The following RSRP1 variants were observed in gnomAD, a reference collection of about 807,000 sequenced individuals.
RSRP1 encodes arginine and serine rich protein 1.
Under a neutral mutation model 33.0 loss-of-function variants are expected in RSRP1, and 37 were observed. The observed-to-expected ratio is 1.12, with a 90% CI of 0.86 to 1.48. RSRP1 has a LOEUF of 1.48. RSRP1 is among the 40% of genes most tolerant of loss of function. RSRP1 has a pLI of 0.00. For missense variants in RSRP1, 402 were observed against 385.3 expected, an observed-to-expected ratio of 1.04 and a Z score of -0.36; for synonymous variants, 167 against 158.7, an observed-to-expected ratio of 1.05 and a Z score of -0.40.
In RSRP1 at chr1:25,308,517, T is replaced by C. The variant is rs1389333389; in HGVS notation, c.-67+29461A>G. On this transcript the variant is annotated intron_variant, in intron 1 of 1. Coordinates refer to the RSRP1 transcript ENST00000561867. The stretch of plus-strand genomic sequence containing the variant: ...TAAAGGATTAACTTAACAAACTGGC[T>C]TTCCAAGAAAATAAAGCCTTGATTG... Among the ~76,000 whole-genome samples, 2 of 132,178 alleles carry C rather than the reference T, an allele frequency of 1.5e-5. 1 individual carries two copies. Among genetic ancestry groups the C allele is most frequent in the Non-Finnish European group, 3.6e-5 (2 of 56,040 alleles). 86.7% of individuals were successfully genotyped at this position (132,178 alleles called of 152,430 possible).
intron 1 of RSRP1, among the ~76,000 whole-genome samples, chr1:25,287,919 C>T (rs1307161383): frequency 7.6e-6 from 1 of 131,656 alleles, no homozygotes. Flanking sequence ...CAAGGGGTTT[C>T]ACCAGGTGGG....
rs139882501 is a variant in RSRP1, at chr1:25,305,623, C to T, written c.-67+32355G>A. On this transcript the variant is annotated intron_variant, in intron 1 of 1. Coordinates refer to the RSRP1 transcript ENST00000561867. ...GTTGTTGTTGTTGTTGTTGTTGAGACGGTGTCTCGCTCTTTTGCCCAGGCT... is the reference window on the plus strand; with the variant it reads ...GTTGTTGTTGTTGTTGTTGTTGAGATGGTGTCTCGCTCTTTTGCCCAGGCT... Among the ~76,000 whole-genome samples the T allele has an allele frequency of 2.2e-3, 268 of 124,398 alleles. 31 individuals carry two copies. Among genetic ancestry groups the T allele is most frequent in the African/African-American group, 7.1e-3 (250 of 35,410 alleles). 81.6% of individuals were successfully genotyped at this position (124,398 alleles called of 152,430 possible).
intron 1 of RSRP1, chr1:25,336,471 A>G (rs1645076522): frequency 6.8e-6 from 1 of 146,978 alleles, no homozygotes; most frequent in South Asian, 2.1e-4. Context: ...TCTACAAAAG[A>G]CAAACATTCA....
chr1:25,246,048 G>A lies in RSRP1; in HGVS notation c.520+396C>T, dbSNP rs550741010. On this transcript the variant is annotated intron_variant, in intron 2 of 4. Coordinates refer to ENST00000243189, the MANE Select transcript of RSRP1 (RefSeq NM_020317.5). ...ATTACAGAGGTGAGCCGCCGCGCCC[G>A]GCCTCCTAGGTCACTTAGGATACTC... 5.4e-5 allele frequency: 9 copies of A among 166,286 alleles called. 1 individual carries two copies. The South Asian group carries it at 1.4e-3, about 26-fold the overall frequency. 10.3% of individuals were successfully genotyped at this position (166,286 alleles called of 1,614,324 possible).
chr1:25,261,705 A>ATTTTTTT (rs376795548), intron 1 of RSRP1, among the ~76,000 whole-genome samples: 1 of 93,692 alleles, frequency 1.1e-5, no homozygotes, highest in African/African-American at 4.5e-5. Context: ...CGCCCAGCAG[A>ATTTTTTT]TTTTTTTTTT....
rs202183642 is a variant in RSRP1 at position 25,246,965 on chromosome 1, T to C, written c.-2A>G. Reference sequence around the variant, plus strand: ...CATGTCGTTCACGTAGTTGGACATCTTCACCTGCGGCTTTAGCCTGCGCTT... The same window carrying C: ...CATGTCGTTCACGTAGTTGGACATCCTCACCTGCGGCTTTAGCCTGCGCTT... On this transcript the variant is annotated 5_prime_UTR_variant, in exon 2 of 5. Transcript: ENST00000243189. 2.6e-6 allele frequency: 4 copies of C among 1,566,266 alleles called. No homozygotes were observed. The highest frequency in any genetic ancestry group is 3.5e-6 in the Non-Finnish European group (4 of 1,152,682).
In RSRP1 at chr1:25,295,850, ATTTTTTTTTTTTTTT is replaced by A. The variant is rs61131306; in HGVS notation, c.-67+42113_-67+42127del. Reference sequence around the variant, plus strand: ...AATGGTCTGGGAGGGAATATGGGAAATTTTTTTTTTTTTTTTTTTTTTTTTTTTTGAGATGGAGTT... The same window carrying A: ...AATGGTCTGGGAGGGAATATGGGAAATTTTTTTTTTTTTTGAGATGGAGTT... On this transcript the variant is annotated intron_variant, in intron 1 of 1. Transcript: ENST00000561867. 1.0e-3 allele frequency among the ~76,000 whole-genome samples: 81 copies of A among 81,330 alleles called. 11 individuals are homozygous for A. The highest frequency in any genetic ancestry group is 3.2e-3 in the African/African-American group (74 of 23,208). 53.4% of individuals were successfully genotyped at this position (81,330 alleles called of 152,430 possible).
Position 25,314,933 on chromosome 1 carries a change from G to A in RSRP1, c.-67+23045C>T, listed in dbSNP as rs1225849991. 6.9e-5 allele frequency among the ~76,000 whole-genome samples: 9 copies of A among 130,546 alleles called. 3 individuals carry two copies. Among genetic ancestry groups the A allele is most frequent in the African/African-American group, 1.6e-4 (6 of 38,304 alleles). The allele number at this position is 130,546 out of a possible 152,430, so 85.6% of individuals were successfully genotyped here. On this transcript the variant is annotated intron_variant, in intron 1 of 1. Transcript: ENST00000561867. ...TTTTAAGAATTTTTGCAGCCAGCGC[G>A]GTGGCTCACACCTGTAATCCCAGCA...
chr1:25,252,652 G>C (rs1639826260), intron 1 of RSRP1, among the ~76,000 whole-genome samples: 1 of 151,868 alleles, frequency 6.6e-6, no homozygotes, highest in Non-Finnish European at 1.5e-5. Context: ...TCCTGTCTGA[G>C]TCTCCTGAGT....
rs940714235 is a variant in RSRP1 at position 25,278,739 on chromosome 1, A to C, written c.-66-31710T>G. On this transcript the variant is annotated intron_variant, in intron 1 of 1. Coordinates refer to the RSRP1 transcript ENST00000561867. ...AAAGGCAGAGAGAGGGGCTACTAGA[A>C]GACAGAGGAGTTTTCCCAGTGACAT... Among the ~76,000 whole-genome samples, 8 of 131,738 alleles carry C rather than the reference A, an allele frequency of 6.1e-5. 3 individuals are homozygous for C. Among genetic ancestry groups the C allele is most frequent in the Non-Finnish European group, 3.6e-5 (2 of 55,582 alleles). The allele number at this position is 131,738 out of a possible 152,430, so 86.4% of individuals were successfully genotyped here. A position where few individuals can be genotyped will look rare whatever the true frequency, so the allele number is the denominator to read the frequency against.
intron 1 of RSRP1, among the ~76,000 whole-genome samples, chr1:25,277,700 G>C (rs1375090791): frequency 7.9e-6 from 1 of 127,304 alleles, no homozygotes; most frequent in East Asian, 2.0e-4. Flanking sequence ...TTTTGAGACA[G>C]AGTTTTGCTC....
rs563169275 is a variant in RSRP1 at position 25,286,154 on chromosome 1, T to C, written c.-66-39125A>G. Among the ~76,000 whole-genome samples, 10 of 135,322 alleles carry C rather than the reference T, an allele frequency of 7.4e-5. No individual in the cohort carries two copies. The South Asian group carries it at 8.8e-4, about 12-fold the overall frequency. The allele number at this position is 135,322 out of a possible 152,430, so 88.8% of individuals were successfully genotyped here. A position where few individuals can be genotyped will look rare whatever the true frequency, so the allele number is the denominator to read the frequency against. On this transcript the variant is annotated intron_variant, in intron 1 of 1. Coordinates refer to the RSRP1 transcript ENST00000561867. ...GAAACACAGTCTAGCCAGCTCCCGATTGGCCCTGGAGGGAAAAAACTTTAT... is the reference window on the plus strand; with the variant it reads ...GAAACACAGTCTAGCCAGCTCCCGACTGGCCCTGGAGGGAAAAAACTTTAT...
Position 25,275,382 on chromosome 1 carries a change from G to A in RSRP1, c.-66-28353C>T, listed in dbSNP as rs1344159598. ...GAAGTTTGGCTTCAGTCTGAGGTCCGAATAGTAAACAGCAGCGAGACAAGT... is the reference window on the plus strand; with the variant it reads ...GAAGTTTGGCTTCAGTCTGAGGTCCAAATAGTAAACAGCAGCGAGACAAGT... On this transcript the variant is annotated intron_variant, in intron 1 of 1. Transcript: ENST00000561867. 1.5e-5 allele frequency among the ~76,000 whole-genome samples: 2 copies of A among 132,316 alleles called. 1 individual carries two copies. Among genetic ancestry groups the A allele is most frequent in the Non-Finnish European group, 3.6e-5 (2 of 55,866 alleles). The allele number at this position is 132,316 out of a possible 152,430, so 86.8% of individuals were successfully genotyped here. A position where few individuals can be genotyped will look rare whatever the true frequency, so the allele number is the denominator to read the frequency against.
intron 1 of RSRP1, among the ~76,000 whole-genome samples, chr1:25,320,919 C>T (rs371704794): frequency 7.6e-6 from 1 of 131,446 alleles, no homozygotes; most frequent in Non-Finnish European, 1.8e-5. Flanking sequence ...TAGCACACAC[C>T]TGTGGTCCCA....
intron 1 of RSRP1, 114 bp from the exon 2 acceptor site, chr1:25,247,143 G>C (rs1639520326): frequency 3.1e-6 from 2 of 650,790 alleles, no homozygotes; most frequent in South Asian, 2.8e-5. Flanking sequence ...GGCGGCGACC[G>C]CCGCGACAGG....
Position 25,246,589 on chromosome 1 carries a change from C to T in RSRP1, c.375G>A (p.Ser125=). 6.2e-7 allele frequency: 1 copy of T among 1,613,658 alleles called. No homozygotes were observed. The highest frequency in any genetic ancestry group is 2.2e-5 in the East Asian group (1 of 44,892). ...CGATCGCGTACGCCCTTCCGCAGTA[C>T]GACCTTCCCCGAGAGCGCGACCTGC... The part of the protein sequence containing the change: ...SRSRSRSRGR[S]YCGRAYAIAR... Residue 125 remains serine, a synonymous_variant, in exon 2 of 5, where the codon TCG becomes TCA. Coordinates refer to ENST00000243189, the MANE Select transcript of RSRP1 (RefSeq NM_020317.5).
rs531459273 is a variant in RSRP1 at position 25,301,992 on chromosome 1, G to A, written c.-67+35986C>T. Among the ~76,000 whole-genome samples, 3 of 130,582 alleles carry A rather than the reference G, an allele frequency of 2.3e-5. 1 individual carries two copies. The highest frequency in any genetic ancestry group is 3.6e-5 in the Non-Finnish European group (2 of 54,982). 85.7% of individuals were successfully genotyped at this position (130,582 alleles called of 152,430 possible). On this transcript the variant is annotated intron_variant, in intron 1 of 1. Coordinates refer to the RSRP1 transcript ENST00000561867. ...GTTGCTAAAGTCAGTCACCATGAGC[G>A]AGAGTCAGCAGCAACAGACTAGACT...
intron 1 of RSRP1, among the ~76,000 whole-genome samples, chr1:25,298,623 A>G (rs1407143917): frequency 7.6e-6 from 1 of 131,888 alleles, no homozygotes; most frequent in Non-Finnish European, 1.8e-5. Context: ...TCTTATCAGG[A>G]AACTGCATAG....
In RSRP1 at chr1:25,246,516, C is replaced by T; in HGVS notation, c.448G>A (p.Glu150Lys). 3 of 1,614,256 alleles carry T rather than the reference C, an allele frequency of 1.9e-6. No homozygotes were observed. The highest frequency in any genetic ancestry group is 8.5e-7 in the Non-Finnish European group (1 of 1,180,036). ...GATCTGTCCCTCCATCTGCTGTGCT[C>T]CTCCGGGTACACTGTGCGACCAAAG... is the stretch of plus-strand genomic sequence containing the variant. ...YGFGRTVYPEEHSRWRDRSRT... is the reference protein window; with the variant it reads ...YGFGRTVYPEKHSRWRDRSRT... Residue 150 changes from glutamate to lysine, a missense_variant, in exon 2 of 5, where the codon GAG (glutamate) becomes AAG (lysine). Transcript: ENST00000243189.
Sources: gnomAD v4.1 joint callset for allele counts (sites outside exome capture counted in the v4.1 genomes callset) on GRCh38, gnomAD v4.1.1 for gene constraint, MANE v1.5 for transcripts, NCBI Gene and HGNC (gene_info 2026-07-23, HGNC 2026-07-21) for gene names.